The following SH3KBP1 variants were observed in gnomAD, a reference collection of about 807,000 sequenced individuals.
The protein encoded by SH3KBP1 is SH3 domain-containing kinase-binding protein 1.
In SH3KBP1, 8 loss-of-function variants were observed where a neutral mutation model predicts 50.1. That is an observed-to-expected ratio of 0.16 (90% CI 0.09 to 0.29). The LOEUF (loss-of-function observed/expected upper bound fraction) is 0.29. Among genes scored for constraint, SH3KBP1 ranks in the 10% least tolerant of loss-of-function variants. SH3KBP1 has a pLI of 1.00. For synonymous variants in SH3KBP1, 227 were observed against 218.6 expected (o/e 1.04, Z -0.34); for missense variants, 377 against 535.2 (o/e 0.70, Z 2.92).
At chrX:19,602,254 G>A (rs1282256449) in intron 9 of SH3KBP1, among the ~76,000 whole-genome samples, 1 of 111,272 alleles carries the variant, frequency 9.0e-6, no homozygotes, top group Non-Finnish European at 1.9e-5. Context: ...GGAGAGGAGA[G>A]GCAGGAGGAA....
At chrX:19,572,983 A>G (rs1376553505) in intron 12 of SH3KBP1, among the ~76,000 whole-genome samples, 4 of 111,509 alleles carry the variant, frequency 3.6e-5, no homozygotes, top group Non-Finnish European at 7.5e-5. Context: ...CTGATGGGTG[A>G]TTTCCACCAC....
intron 3 of SH3KBP1, among the ~76,000 whole-genome samples, chrX:19,731,769 A>G (rs1306395343): frequency 8.9e-6 from 1 of 112,220 alleles, no homozygotes; most frequent in African/African-American, 3.2e-5. Context: ...AATTAAAGTG[A>G]GCTCCAAGAT....
At chrX:19,664,463 G>T (rs1292652026) in intron 6 of SH3KBP1, among the ~76,000 whole-genome samples, 1 of 111,012 alleles carries the variant, frequency 9.0e-6, no homozygotes, top group African/African-American at 3.3e-5. Context: ...TGACCCAGCT[G>T]TATCTCTTTC....
chrX:19,786,745 GTTTC>G (rs2066359010), intron 2 of SH3KBP1, among the ~76,000 whole-genome samples: 1 of 111,945 alleles, frequency 8.9e-6, no homozygotes, highest in South Asian at 3.7e-4. Flanking sequence ...GCAACTTCTA[GTTTC>G]TTTAAGAAAA....
At chrX:19,692,850 T>G (rs926742193) in intron 5 of SH3KBP1, among the ~76,000 whole-genome samples, 6 of 106,921 alleles carry the variant, frequency 5.6e-5, no homozygotes, top group Non-Finnish European at 1.2e-4. Context: ...GCCCAGCTAA[T>G]TTTTGTTTTT....
At chrX:19,760,027 T>TCTCTCTC (rs1569459349) in intron 2 of SH3KBP1, among the ~76,000 whole-genome samples, 1 of 70,108 alleles carries the variant, frequency 1.4e-5, no homozygotes, top group African/African-American at 6.7e-5. Context: ...CTCTCTCCTC[T>TCTCTCTC]CTCTCTCTCT....
At chrX:19,676,376 G>A (rs2062929165) in intron 6 of SH3KBP1, among the ~76,000 whole-genome samples, 2 of 110,755 alleles carry the variant, frequency 1.8e-5, no homozygotes, top group South Asian at 3.8e-4. Context: ...TGGGAGGCGG[G>A]GATGGTTAAT....
intron 7 of SH3KBP1, among the ~76,000 whole-genome samples, chrX:19,639,422 C>T (rs2061798284): frequency 8.9e-6 from 1 of 111,767 alleles, no homozygotes; most frequent in African/African-American, 3.3e-5. Context: ...ATCACTGCTC[C>T]TCTCGATGGT....
chrX:19,553,985 T>TATATAATATATATTAAA (rs2065342098), intron 13 of SH3KBP1, among the ~76,000 whole-genome samples: 10 of 67,912 alleles, frequency 1.5e-4, no homozygotes. Flanking sequence ...TAAAATATAA[T>TATATAATATATATTAAA]ATATAATATA....
chrX:19,631,993 G>T, intron 7 of SH3KBP1, 35 bp from the exon 8 acceptor site: 1 of 935,184 alleles, frequency 1.1e-6, no homozygotes, highest in Non-Finnish European at 1.5e-6. Flanking sequence ...CCTTTAAAAT[G>T]CTTTATCTAA....
intron 2 of SH3KBP1, among the ~76,000 whole-genome samples, chrX:19,762,906 C>A (rs940645011): frequency 8.9e-6 from 1 of 112,180 alleles, no homozygotes; most frequent in Non-Finnish European, 1.9e-5. Flanking sequence ...TGGAAACCTG[C>A]GAGTGGAGAT....
chrX:19,743,648 G>A (rs188343470), intron 3 of SH3KBP1, among the ~76,000 whole-genome samples: 1 of 111,562 alleles, frequency 9.0e-6, no homozygotes. Flanking sequence ...CAGGTGTCTG[G>A]GGAGGGTGAG....
chrX:19,751,162 T>C (rs2065053913), intron 2 of SH3KBP1, among the ~76,000 whole-genome samples: 1 of 112,194 alleles, frequency 8.9e-6, no homozygotes, highest in South Asian at 3.7e-4. Flanking sequence ...TGAAGTCCCT[T>C]ATTATCCATC....
In SH3KBP1 at chrX:19,887,376, G is replaced by C; in HGVS notation, c.-66C>G. 2.2e-6 allele frequency: 2 copies of C among 906,068 alleles called. No individual in the cohort carries two copies. The highest frequency in any genetic ancestry group is 1.4e-6 in the Non-Finnish European group (1 of 724,977). The allele number at this position is 906,068 out of a possible 1,213,427, so 74.7% of individuals were successfully genotyped here. ...TTGGCGGAGGCGGGCGTGGGGGTTGGGGCGCCGGGATCGGGGCGCTGGGAT... is the reference window on the plus strand; with the variant it reads ...TTGGCGGAGGCGGGCGTGGGGGTTGCGGCGCCGGGATCGGGGCGCTGGGAT... On this transcript the variant is annotated 5_prime_UTR_variant, in exon 1 of 18. Transcript: ENST00000397821.
intron 16 of SH3KBP1, among the ~76,000 whole-genome samples, chrX:19,539,618 C>T (rs1258532123): frequency 1.8e-5 from 2 of 111,530 alleles, no homozygotes; most frequent in Non-Finnish European, 3.8e-5. Context: ...TGAAAATGAG[C>T]GTAAGTCTAT....
chrX:19,788,458 G>T (rs756493335), intron 2 of SH3KBP1, among the ~76,000 whole-genome samples: 2 of 110,165 alleles, frequency 1.8e-5, no homozygotes, highest in South Asian at 7.8e-4. Context: ...ACCCTCAGAA[G>T]GAACCAACCC....
chrX:19,832,403 G>T (rs2067921697), intron 2 of SH3KBP1, among the ~76,000 whole-genome samples: 1 of 111,927 alleles, frequency 8.9e-6, no homozygotes, highest in South Asian at 3.7e-4. Context: ...AAAGGAAACA[G>T]ATGGCCCACT....
intron 6 of SH3KBP1, among the ~76,000 whole-genome samples, chrX:19,668,935 AATATATATATATATATATATATATATAT>A (rs56844238): frequency 9.1e-5 from 3 of 32,878 alleles, no homozygotes; most frequent in South Asian, 3.8e-3. Context: ...GATTGAGGGT[AATATATATATATATATATATATATATAT>A]ATATATATAT....
chrX:19,762,103 C>G (rs892877288), intron 2 of SH3KBP1, among the ~76,000 whole-genome samples: 1 of 112,583 alleles, frequency 8.9e-6, no homozygotes, highest in African/African-American at 3.2e-5. Context: ...TGAAAGAGAT[C>G]AGACCTAACC....
Sources: gnomAD v4.1 joint callset for allele counts (sites outside exome capture counted in the v4.1 genomes callset) on GRCh38, gnomAD v4.1.1 for gene constraint, MANE v1.5 for transcripts, NCBI Gene and HGNC (gene_info 2026-07-23, HGNC 2026-07-21) for gene names.